LRRC4C: variants seen among roughly 807,000 people sequenced by gnomAD.
LRRC4C encodes the protein leucine-rich repeat-containing protein 4C.
A neutral mutation model predicts 33.6 loss-of-function variants in LRRC4C; 5 were observed. The observed-to-expected ratio is 0.15, with a 90% CI of 0.08 to 0.31. The LOEUF (loss-of-function observed/expected upper bound fraction) is 0.31, where lower values mean the gene tolerates loss of function less well. Ranked by LOEUF, LRRC4C falls within the 10% of genes least tolerant of loss-of-function variation. The probability of loss-of-function intolerance (pLI) is 1.00; values close to 1 mark genes in which losing one functional copy is unlikely to be tolerated. For synonymous variants in LRRC4C, 329 were observed against 302.0 expected (o/e 1.09, Z -0.93); for missense variants, 560 against 796.7 (o/e 0.70, Z 3.58).
intron 1 of LRRC4C, among the ~76,000 whole-genome samples, chr11:41,428,923 G>A (rs969332233): frequency 1.3e-5 from 2 of 152,036 alleles, no homozygotes; most frequent in African/African-American, 4.8e-5. Context: ...GGCCTCTGGG[G>A]AGAAGGTAAA....
intron 1 of LRRC4C, among the ~76,000 whole-genome samples, chr11:41,027,989 A>G (rs890250436): frequency 2.0e-4 from 30 of 151,398 alleles, no homozygotes; most frequent in Non-Finnish European, 3.7e-4. Context: ...ATCCTCATCT[A>G]TAAGGAAGGT....
intron 2 of LRRC4C, among the ~76,000 whole-genome samples, chr11:40,896,106 T>C (rs908109850): frequency 2.0e-5 from 3 of 152,170 alleles, no homozygotes; most frequent in Admixed American, 6.6e-5. Context: ...CCCTTTATGT[T>C]TCCTTCACCT....
At chr11:41,099,551 T>C (rs1248824865) in intron 1 of LRRC4C, among the ~76,000 whole-genome samples, 1 of 152,100 alleles carries the variant, frequency 6.6e-6, no homozygotes, top group Non-Finnish European at 1.5e-5. Context: ...CACAAATCAA[T>C]AAATGTGATT....
At chr11:40,798,674 A>T in intron 2 of LRRC4C, among the ~76,000 whole-genome samples, 1 of 138,190 alleles carries the variant, frequency 7.2e-6, no homozygotes, top group African/African-American at 2.7e-5. Flanking sequence ...ATGGAGTTTC[A>T]CTCTTGCTGC....
At chr11:40,944,941 C>G (rs998234299) in intron 1 of LRRC4C, among the ~76,000 whole-genome samples, 1 of 151,756 alleles carries the variant, frequency 6.6e-6, no homozygotes, top group African/African-American at 2.4e-5. Flanking sequence ...TGCCACTATG[C>G]AAGTTGAGTC....
rs1459829590 is a variant in LRRC4C at position 40,894,708 on chromosome 11, C to T, written c.-407+38927G>A. 3.9e-5 allele frequency among the ~76,000 whole-genome samples: 6 copies of T among 152,228 alleles called. No homozygotes were observed. The East Asian group carries it at 7.7e-4, about 20-fold the overall frequency. On this transcript the variant is annotated intron_variant, in intron 2 of 6. Transcript: ENST00000528697. Reference sequence around the variant, plus strand: ...CCAAATATGTGTGCATATGTTAACTCCATCACAGTTTCTGCCAATGGATAT... The same window carrying T: ...CCAAATATGTGTGCATATGTTAACTTCATCACAGTTTCTGCCAATGGATAT...
chr11:40,371,381 T>A (rs1023865941), intron 3 of LRRC4C, among the ~76,000 whole-genome samples: 3 of 152,182 alleles, frequency 2.0e-5, no homozygotes, highest in Non-Finnish European at 4.4e-5. Flanking sequence ...GACAAGTCTA[T>A]TGGGAAGACA....
intron 1 of LRRC4C, among the ~76,000 whole-genome samples, chr11:40,973,595 T>G (rs1207387930): frequency 6.6e-6 from 1 of 152,116 alleles, no homozygotes; most frequent in African/African-American, 2.4e-5. Flanking sequence ...AAATATAATA[T>G]GGCAAAGTAA....
chr11:40,851,728 C>T (rs1036081993), intron 2 of LRRC4C, among the ~76,000 whole-genome samples: 4 of 151,970 alleles, frequency 2.6e-5, no homozygotes, highest in Admixed American at 1.3e-4. Flanking sequence ...TGCAGTGAGC[C>T]GACATCACAC....
At chr11:41,204,867 C>G (rs1190906394) in intron 1 of LRRC4C, among the ~76,000 whole-genome samples, 2 of 152,052 alleles carry the variant, frequency 1.3e-5, no homozygotes, top group Admixed American at 6.5e-5. Context: ...GATACATAAA[C>G]AAGATGATTG....
intron 3 of LRRC4C, among the ~76,000 whole-genome samples, chr11:40,489,214 C>T (rs1373549286): frequency 1.3e-5 from 2 of 152,210 alleles, no homozygotes; most frequent in East Asian, 1.9e-4. Context: ...TAAGAAACAT[C>T]GTGCCTCAAG....
intron 1 of LRRC4C, among the ~76,000 whole-genome samples, chr11:41,059,445 T>G (rs1858902718): frequency 6.6e-6 from 1 of 151,522 alleles, no homozygotes; most frequent in African/African-American, 2.4e-5. Flanking sequence ...ATTTTAGAAA[T>G]AATGTACGTG....
rs71060991 is a variant in LRRC4C at position 41,021,156 on chromosome 11, TGAGAGAGAGAGAGAGAGAGAGAGAGA to T, written c.-495-87459_-495-87434del. ...GTTATTTTGTTCCCAATCGTGCATC[TGAGAGAGAGAGAGAGAGAGAGAGAGA>T]GAGAGAGAGAGAGAGAGAGAGAGAG... On this transcript the variant is annotated intron_variant, in intron 1 of 6. Transcript: ENST00000528697. Among the ~76,000 whole-genome samples, 61 of 127,140 alleles carry T rather than the reference TGAGAGAGAGAGAGAGAGAGAGAGAGA, an allele frequency of 4.8e-4. 2 individuals are homozygous for T. Among genetic ancestry groups the T allele is most frequent in the African/African-American group, 1.1e-3 (35 of 32,520 alleles). The allele number at this position is 127,140 out of a possible 152,430, so 83.4% of individuals were successfully genotyped here.
chr11:40,421,353 G>A (rs1950517547), intron 3 of LRRC4C, among the ~76,000 whole-genome samples: 1 of 152,216 alleles, frequency 6.6e-6, no homozygotes, highest in Non-Finnish European at 1.5e-5. Flanking sequence ...TCTGGACCAA[G>A]TCAGTAATGA....
At chr11:40,356,276 C>A (rs1257793721) in intron 3 of LRRC4C, among the ~76,000 whole-genome samples, 1 of 152,010 alleles carries the variant, frequency 6.6e-6, no homozygotes, top group East Asian at 1.9e-4. Context: ...GGCTCTTATG[C>A]GTCAGAATGA....
At chr11:41,212,709 A>G (rs1946873492) in intron 1 of LRRC4C, among the ~76,000 whole-genome samples, 1 of 152,118 alleles carries the variant, frequency 6.6e-6, no homozygotes, top group African/African-American at 2.4e-5. Context: ...AATAGCTTCC[A>G]TTTATCGAAG....
chr11:40,651,121 T>C (rs1042671187), intron 2 of LRRC4C, among the ~76,000 whole-genome samples: 2 of 152,226 alleles, frequency 1.3e-5, no homozygotes, highest in Admixed American at 1.3e-4. Flanking sequence ...TTGGAAACTT[T>C]GCTTAAATGA....
At chr11:41,319,787 G>A (rs1162114807) in intron 1 of LRRC4C, among the ~76,000 whole-genome samples, 1 of 152,110 alleles carries the variant, frequency 6.6e-6, no homozygotes, top group African/African-American at 2.4e-5. Flanking sequence ...CTGGGCTCAA[G>A]GGATCTGCCT....
At chr11:40,377,664 T>G (rs1463867405) in intron 3 of LRRC4C, among the ~76,000 whole-genome samples, 2 of 152,128 alleles carry the variant, frequency 1.3e-5, no homozygotes, top group Non-Finnish European at 2.9e-5. Flanking sequence ...CTATTTTTTC[T>G]TCTAAGCAAA....
Sources: gnomAD v4.1 joint callset for allele counts (sites outside exome capture counted in the v4.1 genomes callset) on GRCh38, gnomAD v4.1.1 for gene constraint, MANE v1.5 for transcripts, NCBI Gene and HGNC (gene_info 2026-07-23, HGNC 2026-07-21) for gene names.